Variants in MIOS observed in about 807,000 individuals in gnomAD.
MIOS encodes the protein meiosis regulator for oocyte development.
MIOS carries 52 observed loss-of-function variants against 96.9 expected under a neutral mutation model. That is an observed-to-expected ratio of 0.54 (90% CI 0.43 to 0.68). The LOEUF (loss-of-function observed/expected upper bound fraction) is 0.68, where lower values mean the gene tolerates loss of function less well. Among genes scored for constraint, MIOS ranks in the 30% least tolerant of loss-of-function variants. MIOS has a pLI of 0.00. For missense variants in MIOS, 1,005 were observed against 1,052.8 expected (o/e 0.95, Z 0.63); for synonymous variants, 397 against 359.5 (o/e 1.10, Z -1.18).
intron 11 of MIOS, among the ~76,000 whole-genome samples, chr7:7,601,104 G>A (rs1467351529): frequency 3.9e-5 from 6 of 151,960 alleles, no homozygotes; most frequent in South Asian, 2.1e-4. Context: ...AAATGCCCAC[G>A]AGAGTAAGCA....
rs1392592195 is a variant in MIOS, at chr7:7,588,552, A to G, written c.1873A>G (p.Ser625Gly). ...AGTGGCATTTGCTTGTAAATTCCTT[A>G]GTGATACTCAGGTGAAAACTGATTT... ...DRVAFACKFL[S>G]DTQLNRYIEK... Residue 625 changes from serine to glycine, a missense_variant, in exon 8 of 13, where the codon AGT becomes GGT. Transcript: ENST00000340080. The G allele has an allele frequency of 4.0e-5, 64 of 1,589,174 alleles. No homozygotes were observed. The highest frequency in any genetic ancestry group is 5.1e-5 in the Non-Finnish European group (60 of 1,165,780).
At chr7:7,586,849 T>A (rs1441053600) in intron 7 of MIOS, among the ~76,000 whole-genome samples, 1 of 152,192 alleles carries the variant, frequency 6.6e-6, no homozygotes, top group African/African-American at 2.4e-5. Context: ...AATAATGCTT[T>A]CACGAAGTGT....
chr7:7,594,209 T>A (rs1192246642), intron 9 of MIOS, among the ~76,000 whole-genome samples: 1 of 152,130 alleles, frequency 6.6e-6, no homozygotes, highest in Non-Finnish European at 1.5e-5. Flanking sequence ...GATAAGTAGA[T>A]ATATAAAAGC....
Position 7,607,446 on chromosome 7 carries a change from A to G in MIOS, c.*354A>G, listed in dbSNP as rs1166426133. 2 of 158,008 alleles carry G rather than the reference A, an allele frequency of 1.3e-5. No individual in the cohort carries two copies. The allele number at this position is 158,008 out of a possible 1,614,324, so 9.8% of individuals were successfully genotyped here. The stretch of plus-strand genomic sequence containing the variant: ...TATATCTTCAAAGCTGAAACTGGAT[A>G]TCTTTCAATAAAATATGTGCACTTT... On this transcript the variant is annotated 3_prime_UTR_variant, in exon 13 of 13. Coordinates refer to ENST00000340080, the MANE Select transcript of MIOS (RefSeq NM_019005.4).
Position 7,606,039 on chromosome 7 carries a change from T to C in MIOS, c.2499T>C (p.Gly833=). 1 of 1,613,948 alleles carries C rather than the reference T, an allele frequency of 6.2e-7. No homozygotes were observed. The highest frequency in any genetic ancestry group is 8.5e-7 in the Non-Finnish European group (1 of 1,179,884). ...CATGGTGTCATAATTGCAGGCACGGTGGACATGCTGGACATATGCTTAGTT... is the reference window on the plus strand; with the variant it reads ...CATGGTGTCATAATTGCAGGCACGGCGGACATGCTGGACATATGCTTAGTT... The part of the protein sequence containing the change: ...WFTWCHNCRH[G]GHAGHMLSWF... The change falls in exon 12 of 13, where the codon GGT becomes GGC. Residue 833 remains glycine (G), a synonymous_variant. Transcript: ENST00000340080.
chr7:7,583,730 G>A (rs575380360), intron 6 of MIOS, among the ~76,000 whole-genome samples: 4 of 152,058 alleles, frequency 2.6e-5, no homozygotes, highest in South Asian at 2.1e-4. Flanking sequence ...GTATTTTTAC[G>A]ATCCATATTT....
intron 7 of MIOS, 116 bp downstream of exon 7, chr7:7,585,921 T>A (rs897377369): frequency 3.1e-6 from 3 of 965,030 alleles, no homozygotes; most frequent in African/African-American, 3.4e-5. Context: ...ATGCATATGT[T>A]ATTTAAAATA....
rs1783955064 is a variant in MIOS, at chr7:7,588,479, C to T, written c.1819-19C>T. On this transcript the variant is annotated intron_variant, in intron 7 of 12. Transcript: ENST00000340080. ...CAGTGCGCCTAGAAGTAACTCCTTG[C>T]TTTTTCTCTTCTTTCCAGTATGAAA... 6.5e-7 allele frequency: 1 copy of T among 1,543,680 alleles called. No homozygotes were observed.
intron 5 of MIOS, among the ~76,000 whole-genome samples, chr7:7,577,309 T>G (rs1472222106): frequency 6.6e-6 from 1 of 152,176 alleles, no homozygotes; most frequent in Non-Finnish European, 1.5e-5. Flanking sequence ...TCACTGAATT[T>G]AGGACTAGGA....
intron 5 of MIOS, among the ~76,000 whole-genome samples, chr7:7,581,300 C>G (rs1479995363): frequency 6.6e-6 from 1 of 151,628 alleles, no homozygotes; most frequent in Non-Finnish European, 1.5e-5. Context: ...AAGACTCCAT[C>G]TCAAAAAAAG....
rs776784441 is a variant in MIOS at position 7,573,108 on chromosome 7, T to C, written c.633T>C (p.Phe211=). ...GTATGCATCGTAACCTAGCTATATT[T>C]GATCTTCGGAATACAAGCCAAAAGA... is the stretch of plus-strand genomic sequence containing the variant. ...LAGMHRNLAI[F]DLRNTSQKMF... is the part of the protein sequence containing the mutation. The change falls in exon 4 of 13, where the codon TTT becomes TTC. Residue 211 remains phenylalanine (F), a synonymous_variant. Coordinates refer to ENST00000340080, the MANE Select transcript of MIOS (RefSeq NM_019005.4). The surrounding 1 kb of genome is among the most constrained non-coding windows in gnomAD (Gnocchi z 5.0). 1.2e-6 allele frequency: 2 copies of C among 1,614,108 alleles called. No homozygotes were observed. The highest frequency in any genetic ancestry group is 1.7e-6 in the Non-Finnish European group (2 of 1,179,972).
At chr7:7,606,100 C>G in intron 12 of MIOS, 29 bp downstream of exon 12, 1 of 1,611,672 alleles carries the variant, frequency 6.2e-7, no homozygotes, top group South Asian at 1.1e-5. Flanking sequence ...CTTTGATAGG[C>G]TTGGAGTTAT....
In MIOS at chr7:7,585,764, G is replaced by A. The variant is rs368605817; in HGVS notation, c.1777G>A (p.Ala593Thr). The A allele has an allele frequency of 6.2e-7, 1 of 1,611,296 alleles. No individual in the cohort carries two copies. Among genetic ancestry groups the A allele is most frequent in the African/African-American group, 1.3e-5 (1 of 74,874 alleles). ...TAACCCGTATTTGTGTGTCATGTTT[G>A]CATTTCTGACAAGTGAAACAGGATC... ...LNNPYLCVMF[A>T]FLTSETGSYD... The change falls in exon 7 of 13, where the codon GCA becomes ACA. Residue 593 changes from alanine to threonine, a missense_variant. Physicochemically the swap from Ala to Thr is moderately conservative, Grantham distance 58 (BLOSUM62 0). Transcript: ENST00000340080.
At chr7:7,605,375 G>A (rs1342476649) in intron 11 of MIOS, 1 of 151,166 alleles carries the variant, frequency 6.6e-6, no homozygotes, top group East Asian at 1.9e-4. Flanking sequence ...GCTCCCTGCA[G>A]CCTCCAATCC....
intron 9 of MIOS, among the ~76,000 whole-genome samples, chr7:7,591,567 A>G (rs1784049765): frequency 6.6e-6 from 1 of 152,170 alleles, no homozygotes; most frequent in South Asian, 2.1e-4. Flanking sequence ...GGCATGAGCC[A>G]CCACGCCCAG....
At chr7:7,588,311 T>C (rs1783949473) in intron 7 of MIOS, among the ~76,000 whole-genome samples, 187 bp from the exon 8 acceptor site, 1 of 152,164 alleles carries the variant, frequency 6.6e-6, no homozygotes, top group South Asian at 2.1e-4. Flanking sequence ...ACCTTATTGC[T>C]GAATTTCCTA....
intron 11 of MIOS, among the ~76,000 whole-genome samples, chr7:7,596,895 T>C (rs892727239): frequency 6.6e-6 from 1 of 152,124 alleles, no homozygotes; most frequent in Non-Finnish European, 1.5e-5. Flanking sequence ...AACCTACCTA[T>C]AAAATACATG....
At position 7,572,350 on chromosome 7, in the gene MIOS, A is replaced by G. The variant is rs1783383739; in HGVS notation, c.-40-86A>G. The G allele has an allele frequency of 6.3e-6, 4 of 631,658 alleles. No individual in the cohort carries two copies. Among genetic ancestry groups the G allele is most frequent in the South Asian group, 6.7e-5 (2 of 29,654 alleles). 39.1% of individuals were successfully genotyped at this position (631,658 alleles called of 1,614,324 possible). On this transcript the variant is annotated intron_variant, in intron 3 of 12. Transcript: ENST00000340080. The surrounding 1 kb of genome is among the most constrained non-coding windows in gnomAD (Gnocchi z 4.8). ...GAAAAAGAGGGTTCTTGAATAGAGA[A>G]TTTTCTGACTTTCTGAATAGTTTAT... is the stretch of plus-strand genomic sequence containing the variant.
intron 5 of MIOS, among the ~76,000 whole-genome samples, chr7:7,578,500 T>A (rs1232403015): frequency 2.0e-5 from 3 of 152,122 alleles, no homozygotes; most frequent in Non-Finnish European, 2.9e-5. Flanking sequence ...TCTCTTTTTC[T>A]TTAAAACAAA....
Sources: allele counts gnomAD v4.1 joint callset (sites outside exome capture counted in the v4.1 genomes callset), GRCh38; gene constraint gnomAD v4.1.1; non-coding constraint Gnocchi (gnomAD v3.1); transcripts MANE v1.5; gene names NCBI Gene and HGNC (gene_info 2026-07-23, HGNC 2026-07-21).